Variants in BTAF1 observed in about 807,000 individuals in gnomAD.
The protein encoded by BTAF1 is TATA-binding protein-associated factor 172.
BTAF1 carries 38 observed loss-of-function variants against 227.1 expected under a neutral mutation model. That is an observed-to-expected ratio of 0.17 (90% CI 0.13 to 0.22). The LOEUF is 0.22. Among genes scored for constraint, BTAF1 ranks in the 10% least tolerant of loss-of-function variants. The pLI, the probability that BTAF1 is intolerant of heterozygous loss-of-function variation, is 1.00. For synonymous variants in BTAF1, 742 were observed against 751.9 expected, an observed-to-expected ratio of 0.99 and a Z score of 0.21; for missense variants, 1,598 against 2,204.0, an observed-to-expected ratio of 0.73 and a Z score of 5.51.
intron 8 of BTAF1, among the ~76,000 whole-genome samples, chr10:91,957,526 A>G (rs987291048): frequency 6.6e-6 from 1 of 152,216 alleles, no homozygotes; most frequent in African/African-American, 2.4e-5. Flanking sequence ...TTTAAATTAT[A>G]ATCCAAAGGC....
rs1564699914 is a variant in BTAF1 at position 91,991,271 on chromosome 10, A to ATATATATATAT, written c.2855-848_2855-847insTATATATATAT. On this transcript the variant is annotated intron_variant, in intron 20 of 37. Transcript: ENST00000265990. ...AAAAAAATATATAAATATAAATATA[A>ATATATATATAT]ATATATATATATATATATATAAATT... Among the ~76,000 whole-genome samples, 163 of 66,212 alleles carry ATATATATATAT rather than the reference A, an allele frequency of 2.5e-3. 3 individuals carry two copies. The highest frequency in any genetic ancestry group is 0.015 in the South Asian group (25 of 1,706). The allele number at this position is 66,212 out of a possible 152,430, so 43.4% of individuals were successfully genotyped here.
At chr10:92,021,517 T>TGTTCATA (rs1851120079) in intron 34 of BTAF1, among the ~76,000 whole-genome samples, 1 of 152,038 alleles carries the variant, frequency 6.6e-6, no homozygotes, top group African/African-American at 2.4e-5. Context: ...TTCATACTAG[T>TGTTCATA]CAGAACAAAT....
chr10:91,923,952 A>T lies in BTAF1; in HGVS notation c.-125A>T. 1 of 1,273,294 alleles carries T rather than the reference A, an allele frequency of 7.9e-7. No individual in the cohort carries two copies. The highest frequency in any genetic ancestry group is 1.7e-5 in the South Asian group (1 of 59,268). 78.9% of individuals were successfully genotyped at this position (1,273,294 alleles called of 1,614,324 possible). On this transcript the variant is annotated 5_prime_UTR_variant, in exon 1 of 38. Transcript: ENST00000265990. ...CCGAGGGCCTGCGCTGGAACGCCCC[A>T]CGCCGCACCGGCCGCTCCCCTGTGC...
intron 24 of BTAF1, among the ~76,000 whole-genome samples, 194 bp from the exon 25 acceptor site, chr10:91,997,409 A>AT (rs2134053206): frequency 6.6e-6 from 1 of 152,360 alleles, no homozygotes; most frequent in African/African-American, 2.4e-5. Context: ...AAAGTTACAT[A>AT]ATATTTTCCA....
intron 25 of BTAF1, among the ~76,000 whole-genome samples, chr10:92,003,300 T>A (rs1376962030): frequency 1.3e-5 from 2 of 152,220 alleles, no homozygotes; most frequent in African/African-American, 4.8e-5. Context: ...TTCAAGTGTA[T>A]TTATCATTAA....
rs1851862811 is a variant in BTAF1, at chr10:92,031,021, T to TGA, written c.*2088_*2089insGA. ...TCATGGATGTGATGATTTGGTAGTT[T>TGA]TTTCAATGTATGGGTGTGGGAAGTC... is the stretch of plus-strand genomic sequence containing the variant. On this transcript the variant is annotated 3_prime_UTR_variant, in exon 38 of 38. Coordinates refer to ENST00000265990, the MANE Select transcript of BTAF1 (RefSeq NM_003972.3). 6.6e-6 allele frequency among the ~76,000 whole-genome samples: 1 copy of TGA among 152,188 alleles called. No individual in the cohort carries two copies. The highest frequency in any genetic ancestry group is 1.5e-5 in the Non-Finnish European group (1 of 68,028).
intron 4 of BTAF1, among the ~76,000 whole-genome samples, chr10:91,948,126 TTAAG>T (rs1417898553): frequency 1.3e-5 from 2 of 152,136 alleles, no homozygotes; most frequent in Non-Finnish European, 2.9e-5. Context: ...GTCATTTACA[TTAAG>T]TATTTCTCCT....
chr10:91,992,379 A>C, intron 21 of BTAF1, 70 bp downstream of exon 21: 1 of 1,371,696 alleles, frequency 7.3e-7, no homozygotes, highest in Non-Finnish European at 9.8e-7. Context: ...ATTGAGAACT[A>C]AGTTGTATTA....
In BTAF1 at chr10:91,962,621, T is replaced by A. The variant is rs371011470; in HGVS notation, c.1347T>A (p.Val449=). The A allele has an allele frequency of 6.2e-7, 1 of 1,611,736 alleles. No homozygotes were observed. Among genetic ancestry groups the A allele is most frequent in the Non-Finnish European group, 8.5e-7 (1 of 1,178,958 alleles). The change falls in exon 12 of 38, where the codon GTT becomes GTA. Residue 449 remains valine (V), a synonymous_variant. Coordinates refer to ENST00000265990, the MANE Select transcript of BTAF1 (RefSeq NM_003972.3). ...ATCTTGATGATGATGTCAGAGCTGT[T>A]GCTGCAGCATCATTAGTGCCTGTAG... The part of the protein sequence containing the change: ...LQDLDDDVRA[V]AAASLVPVVE...
In BTAF1 at chr10:91,940,032, A is replaced by C. The variant is rs1236326589; in HGVS notation, c.219A>C (p.Val73=). The change falls in exon 3 of 38, where the codon GTA becomes GTC. Residue 73 remains valine, a synonymous_variant. Transcript: ENST00000265990. ...CTGTTGAAGCTATAGTGAAAAATGT[A>C]CCTGAGTGGAATCCAGTGCCGAGAA... ...GQAVEAIVKN[V]PEWNPVPRTR... The C allele has an allele frequency of 1.9e-6, 3 of 1,612,756 alleles. No individual in the cohort carries two copies. Among genetic ancestry groups the C allele is most frequent in the Non-Finnish European group, 2.5e-6 (3 of 1,179,088 alleles).
At chr10:91,959,703 A>C in intron 9 of BTAF1, 82 bp from the exon 10 acceptor site, 2 of 637,658 alleles carry the variant, frequency 3.1e-6, no homozygotes, top group Non-Finnish European at 4.3e-6. Context: ...TTTTTAAAAA[A>C]ATTATGTTAA....
chr10:91,975,613 C>G (rs2676820), intron 14 of BTAF1, among the ~76,000 whole-genome samples: 45,971 of 152,120 alleles, frequency 0.3, 8,535 homozygotes, highest in South Asian at 0.52. Context: ...CACCAACTTA[C>G]AGGTTCTCTC....
intron 18 of BTAF1, 52 bp downstream of exon 18, chr10:91,982,813 A>G (rs763169939): frequency 4.0e-6 from 6 of 1,503,772 alleles, no homozygotes; most frequent in African/African-American, 2.8e-5. Flanking sequence ...ACCAATTTCC[A>G]TTAGCTGTTA....
Position 91,924,069 on chromosome 10 carries a change from G to T in BTAF1, c.-8G>T, listed in dbSNP as rs1404496613. 3 of 1,608,142 alleles carry T rather than the reference G, an allele frequency of 1.9e-6. No homozygotes were observed. Among genetic ancestry groups the T allele is most frequent in the Middle Eastern group, 1.7e-4 (1 of 6,042 alleles). ...TCGCGGGGAGCTCCGAACCGCCGGC[G>T]CCCGGCCATGGCGGTCTCCAGGTGG... is the stretch of plus-strand genomic sequence containing the variant. On this transcript the variant is annotated 5_prime_UTR_variant, in exon 1 of 38. Transcript: ENST00000265990.
At chr10:91,941,168 A>C (rs950180900) in intron 3 of BTAF1, among the ~76,000 whole-genome samples, 7 of 152,334 alleles carry the variant, frequency 4.6e-5, no homozygotes, top group African/African-American at 1.7e-4. Flanking sequence ...TTGTTTTAGA[A>C]AAGAGCCTTT....
intron 33 of BTAF1, among the ~76,000 whole-genome samples, chr10:92,016,981 AAAG>A (rs1274470213): frequency 2.6e-5 from 4 of 152,228 alleles, no homozygotes; most frequent in Middle Eastern, 3.2e-3. Flanking sequence ...TATTACATGA[AAAG>A]AAGGGCTTTA....
chr10:91,932,235 C>T (rs547594755), intron 1 of BTAF1, among the ~76,000 whole-genome samples: 121 of 152,270 alleles, frequency 7.9e-4, no homozygotes, highest in African/African-American at 2.9e-3. Flanking sequence ...AATACAGTGC[C>T]TATTGCATGG....
At chr10:92,025,155 G>A (rs1393995579) in intron 35 of BTAF1, among the ~76,000 whole-genome samples, 188 bp downstream of exon 35, 1 of 151,946 alleles carries the variant, frequency 6.6e-6, no homozygotes, top group African/African-American at 2.4e-5. Context: ...TATTTGCTTA[G>A]CATATGAAAA....
chr10:91,991,947 A>T (rs1589901776), intron 20 of BTAF1, among the ~76,000 whole-genome samples, 172 bp from the exon 21 acceptor site: 1 of 152,014 alleles, frequency 6.6e-6, no homozygotes, highest in Admixed American at 6.6e-5. Flanking sequence ...TATAAATCCT[A>T]TGCAAATAGA....
Sources: gnomAD v4.1 joint callset for allele counts (sites outside exome capture counted in the v4.1 genomes callset) on GRCh38, gnomAD v4.1.1 for gene constraint, MANE v1.5 for transcripts, NCBI Gene and HGNC (gene_info 2026-07-23, HGNC 2026-07-21) for gene names.